Variants in FBXL17 observed in about 807,000 individuals in gnomAD.
FBXL17 encodes the protein F-box/LRR-repeat protein 17.
FBXL17 carries 22 observed loss-of-function variants against 66.2 expected under a neutral mutation model. The ratio of observed to expected loss-of-function variants is 0.33; its 90% confidence interval spans 0.24 to 0.47. The LOEUF is 0.47. Among genes scored for constraint, FBXL17 ranks in the 20% least tolerant of loss-of-function variants. FBXL17 has a pLI of 1.00. For missense variants in FBXL17, 878 were observed against 948.2 expected, an observed-to-expected ratio of 0.93 and a Z score of 0.97; for synonymous variants, 474 against 400.5, an observed-to-expected ratio of 1.18 and a Z score of -2.19.
chr5:107,988,079 C>A (rs1428342522), intron 7 of FBXL17, among the ~76,000 whole-genome samples: 1 of 151,912 alleles, frequency 6.6e-6, no homozygotes. Flanking sequence ...ACAAGAATGT[C>A]ATCAGGTTTT....
At chr5:108,315,598 C>A (rs1244940016) in intron 4 of FBXL17, among the ~76,000 whole-genome samples, 1 of 150,822 alleles carries the variant, frequency 6.6e-6, no homozygotes, top group East Asian at 1.9e-4. Context: ...TTATTCTCTT[C>A]CAAAAAAATG....
chr5:108,195,258 G>A (rs1580594043), intron 5 of FBXL17, among the ~76,000 whole-genome samples: 1 of 151,960 alleles, frequency 6.6e-6, no homozygotes, highest in East Asian at 1.9e-4. Flanking sequence ...GAGAGGGAGG[G>A]AAGATGGGTG....
intron 5 of FBXL17, among the ~76,000 whole-genome samples, chr5:108,220,758 C>A (rs1754828879): frequency 6.6e-6 from 1 of 152,110 alleles, no homozygotes. Flanking sequence ...CATGCAGGTC[C>A]CACAGTCTAA....
chr5:107,861,406 A>T lies in FBXL17; in HGVS notation c.*314T>A. 1 of 173,040 alleles carries T rather than the reference A, an allele frequency of 5.8e-6. No homozygotes were observed. 10.7% of individuals were successfully genotyped at this position (173,040 alleles called of 1,614,324 possible). On this transcript the variant is annotated 3_prime_UTR_variant, in exon 9 of 9. Transcript: ENST00000542267. ...TCCAAGTGGCAGCAATTAGAAGCTC[A>T]AAATAATACATCCAATTTTTTGACT... is the stretch of plus-strand genomic sequence containing the variant.
At chr5:107,963,078 G>A (rs1751981917) in intron 7 of FBXL17, among the ~76,000 whole-genome samples, 2 of 152,080 alleles carry the variant, frequency 1.3e-5, no homozygotes, top group South Asian at 4.1e-4. Context: ...TACTATCAAA[G>A]ATCAAAGATA....
chr5:108,280,858 C>A (rs1406112996), intron 4 of FBXL17, among the ~76,000 whole-genome samples: 7 of 151,408 alleles, frequency 4.6e-5, no homozygotes, highest in South Asian at 2.1e-4. Flanking sequence ...CAAAAGCAAG[C>A]AGTAGTAGCT....
intron 6 of FBXL17, among the ~76,000 whole-genome samples, chr5:108,054,842 G>T (rs1747623261): frequency 6.6e-6 from 1 of 152,152 alleles, no homozygotes; most frequent in Non-Finnish European, 1.5e-5. Context: ...TTACCACCAT[G>T]TTGTTCGTCA....
intron 4 of FBXL17, among the ~76,000 whole-genome samples, chr5:108,336,509 A>G (rs1760388707): frequency 6.6e-6 from 1 of 152,188 alleles, no homozygotes; most frequent in Admixed American, 6.5e-5. Context: ...AAACAGAAGG[A>G]TGAAATACTG....
chr5:108,275,813 C>T (rs1282711221), intron 4 of FBXL17, among the ~76,000 whole-genome samples: 2 of 152,168 alleles, frequency 1.3e-5, no homozygotes, highest in Non-Finnish European at 2.9e-5. Context: ...GAAGCAGCCT[C>T]AGCTGTGCTT....
chr5:108,095,731 T>C (rs1749343563), intron 6 of FBXL17, among the ~76,000 whole-genome samples: 1 of 152,094 alleles, frequency 6.6e-6, no homozygotes, highest in Non-Finnish European at 1.5e-5. Flanking sequence ...TTATTCATAA[T>C]AAGAACTAAT....
At chr5:108,328,136 C>T (rs1279981024) in intron 4 of FBXL17, among the ~76,000 whole-genome samples, 1 of 152,096 alleles carries the variant, frequency 6.6e-6, no homozygotes, top group African/African-American at 2.4e-5. Context: ...GTCCCTTTGT[C>T]TGGCCTGGCC....
intron 7 of FBXL17, among the ~76,000 whole-genome samples, chr5:107,898,576 C>T (rs1311188507): frequency 5.9e-5 from 9 of 152,088 alleles, no homozygotes; most frequent in Non-Finnish European, 1.0e-4. Flanking sequence ...CACCCATCAA[C>T]CCGTCATCTA....
chr5:108,249,416 C>A (rs1353639463), intron 4 of FBXL17, among the ~76,000 whole-genome samples: 2 of 152,150 alleles, frequency 1.3e-5, no homozygotes. Flanking sequence ...TATTTACTAT[C>A]TGGTCAAACA....
At chr5:108,096,117 T>G (rs1388622606) in intron 6 of FBXL17, among the ~76,000 whole-genome samples, 3 of 152,202 alleles carry the variant, frequency 2.0e-5, no homozygotes, top group Non-Finnish European at 4.4e-5. Flanking sequence ...CCAAAAAAAG[T>G]GAATGATTAC....
At chr5:108,116,468 T>G (rs1052667482) in intron 6 of FBXL17, among the ~76,000 whole-genome samples, 1 of 146,646 alleles carries the variant, frequency 6.8e-6, no homozygotes, top group Non-Finnish European at 1.5e-5. Flanking sequence ...TGAAACCCTG[T>G]CTCTACTAAA....
intron 4 of FBXL17, among the ~76,000 whole-genome samples, chr5:108,276,180 C>T (rs1022057280): frequency 6.6e-6 from 1 of 152,126 alleles, no homozygotes; most frequent in African/African-American, 2.4e-5. Flanking sequence ...CTTCATATTT[C>T]ACTCCTTCAC....
intron 3 of FBXL17, among the ~76,000 whole-genome samples, chr5:108,356,650 G>A (rs1231377744): frequency 2.0e-5 from 3 of 152,114 alleles, no homozygotes; most frequent in East Asian, 3.9e-4. Flanking sequence ...AACATCAGGG[G>A]TTGCCAGGAG....
At chr5:107,959,411 C>CAA (rs1271687663) in intron 7 of FBXL17, among the ~76,000 whole-genome samples, 2 of 150,948 alleles carry the variant, frequency 1.3e-5, no homozygotes, top group African/African-American at 4.9e-5. Flanking sequence ...CACACACACA[C>CAA]ACACACAGGC....
At chr5:107,871,109 A>G (rs1250467866) in intron 8 of FBXL17, among the ~76,000 whole-genome samples, 1 of 149,076 alleles carries the variant, frequency 6.7e-6, no homozygotes, top group Non-Finnish European at 1.5e-5. Context: ...AGTATACAGT[A>G]AGACAGATAC....
Sources: allele counts gnomAD v4.1 joint callset (sites outside exome capture counted in the v4.1 genomes callset), GRCh38; gene constraint gnomAD v4.1.1; transcripts MANE v1.5; gene names NCBI Gene and HGNC (gene_info 2026-07-23, HGNC 2026-07-21).